Variants in GPR141 observed in about 807,000 individuals in gnomAD.
GPR141 encodes the protein probable G protein-coupled receptor 141.
Under a neutral mutation model 6.8 loss-of-function variants are expected in GPR141, and 6 were observed. That is an observed-to-expected ratio of 0.88 (90% CI 0.48 to 1.74). The LOEUF (loss-of-function observed/expected upper bound fraction) is 1.74, where lower values mean the gene tolerates loss of function less well. Among genes scored for constraint, GPR141 ranks in the 40% most tolerant of loss-of-function variants. The pLI, the probability that GPR141 is intolerant of heterozygous loss-of-function variation, is 0.01. For missense variants in GPR141, 372 were observed against 372.9 expected, an observed-to-expected ratio of 1.00 and a Z score of 0.02; for synonymous variants, 140 against 142.3, an observed-to-expected ratio of 0.98 and a Z score of 0.11.
chr7:37,735,353 G>A (rs976321417), intron 2 of GPR141, among the ~76,000 whole-genome samples: 2 of 152,174 alleles, frequency 1.3e-5, no homozygotes, highest in Non-Finnish European at 2.9e-5. Context: ...TGGGACTTGG[G>A]GGGATGGGAG....
rs1554344607 is a variant in GPR141 at position 37,724,284 on chromosome 7, A to AAT, written c.-14-16086_-14-16085dup. On this transcript the variant is annotated intron_variant, in intron 2 of 2. Coordinates refer to ENST00000334425, the MANE Select transcript of GPR141 (RefSeq NM_001381946.1). ...TAACTTTACTTGAAACTGCCTAAAAAATATATATATACATTTTTTTTTGCT... is the reference window on the plus strand; with the variant it reads ...TAACTTTACTTGAAACTGCCTAAAAAATATATATATATACATTTTTTTTTGCT... Among the ~76,000 whole-genome samples the AAT allele has an allele frequency of 5.3e-5, 8 of 152,198 alleles. No individual in the cohort carries two copies. In the South Asian group the frequency reaches 6.2e-4, roughly 12 times the overall value.
chr7:37,693,635 G>C (rs1393132226), intron 2 of GPR141, among the ~76,000 whole-genome samples: 3 of 152,094 alleles, frequency 2.0e-5, no homozygotes, highest in African/African-American at 7.2e-5. Context: ...TGTGAGAGCA[G>C]GTACAGTGGC....
intron 2 of GPR141, among the ~76,000 whole-genome samples, chr7:37,697,056 G>A (rs1810051328): frequency 6.6e-6 from 1 of 152,126 alleles, no homozygotes; most frequent in African/African-American, 2.4e-5. Context: ...ACTATAATTA[G>A]TTAGAAGGAC....
rs142585981 is a variant in GPR141, at chr7:37,741,152, G to A, written c.759G>A (p.Thr253=). The change falls in exon 3 of 3, where the codon ACG becomes ACA. Residue 253 remains threonine (T), a synonymous_variant. Transcript: ENST00000334425. The part of the protein sequence containing the change: ...FFRIYYLNVV[T]HSNACNSKVA... ...GGATCTATTACTTGAATGTTGTGACGCATTCCAATGCCTGTAACAGCAAGG... is the reference window on the plus strand; with the variant it reads ...GGATCTATTACTTGAATGTTGTGACACATTCCAATGCCTGTAACAGCAAGG... 6.2e-5 allele frequency: 100 copies of A among 1,613,752 alleles called. No individual in the cohort carries two copies. Among genetic ancestry groups the A allele is most frequent in the South Asian group, 2.2e-4 (20 of 91,084 alleles).
intron 2 of GPR141, among the ~76,000 whole-genome samples, chr7:37,708,139 A>G (rs1228683101): frequency 6.6e-6 from 1 of 152,116 alleles, no homozygotes; most frequent in Non-Finnish European, 1.5e-5. Context: ...GCAGCCTGAC[A>G]GATGTAATGA....
At chr7:37,690,083 T>C (rs1293796977) in intron 2 of GPR141, among the ~76,000 whole-genome samples, 2 of 152,184 alleles carry the variant, frequency 1.3e-5, no homozygotes, top group African/African-American at 4.8e-5. Context: ...AATTTTGGAA[T>C]TTTAGGTTTC....
At chr7:37,739,656 C>A (rs1812432249) in intron 2 of GPR141, among the ~76,000 whole-genome samples, 1 of 152,226 alleles carries the variant, frequency 6.6e-6, no homozygotes, top group Admixed American at 6.5e-5. Flanking sequence ...TGGAGCGGAT[C>A]TTTCAGGAGT....
chr7:37,728,544 T>G (rs1262879904), intron 2 of GPR141, among the ~76,000 whole-genome samples: 5 of 152,154 alleles, frequency 3.3e-5, no homozygotes, highest in Admixed American at 3.3e-4. Context: ...TGATGTTGGC[T>G]CTACCATAGG....
intron 2 of GPR141, among the ~76,000 whole-genome samples, chr7:37,695,340 C>T (rs1260517945): frequency 1.3e-5 from 2 of 152,214 alleles, no homozygotes; most frequent in Non-Finnish European, 2.9e-5. Context: ...GCCATGCAGG[C>T]CACTGGGGGT....
intron 2 of GPR141, among the ~76,000 whole-genome samples, chr7:37,690,844 C>A (rs1809727526): frequency 6.6e-6 from 1 of 151,904 alleles, no homozygotes; most frequent in Admixed American, 6.6e-5. Context: ...ATCCAAAGTG[C>A]AGCTTAAATC....
intron 2 of GPR141, among the ~76,000 whole-genome samples, chr7:37,722,657 G>T (rs1006526082): frequency 2.6e-5 from 4 of 151,470 alleles, no homozygotes; most frequent in Non-Finnish European, 5.9e-5. Flanking sequence ...AGGAGGTGGA[G>T]GTTGCAGTGA....
chr7:37,732,178 C>CT (rs1241088711), intron 2 of GPR141, among the ~76,000 whole-genome samples: 7 of 135,904 alleles, frequency 5.2e-5, no homozygotes, highest in Middle Eastern at 4.3e-3. Context: ...GAGTCTCACT[C>CT]TGTCACCCAG....
rs1250462063 is a variant in GPR141, at chr7:37,708,320, A to AAC, written c.-15+22738_-15+22739insCA. Among the ~76,000 whole-genome samples the AAC allele has an allele frequency of 9.9e-5, 15 of 151,126 alleles. 1 individual carries two copies. In the South Asian group the frequency reaches 1.9e-3, roughly 19 times the overall value. On this transcript the variant is annotated intron_variant, in intron 2 of 2. Coordinates refer to ENST00000334425, the MANE Select transcript of GPR141 (RefSeq NM_001381946.1). Reference sequence around the variant, plus strand: ...TTGACAAATTGCTGGCAAAAAAAAAAAAAAAAAAAAAAAAACGCAAAAGCT... The same window carrying AAC: ...TTGACAAATTGCTGGCAAAAAAAAAAACAAAAAAAAAAAAAAACGCAAAAGCT...
chr7:37,702,466 C>A (rs573286778), intron 2 of GPR141, among the ~76,000 whole-genome samples: 24 of 151,902 alleles, frequency 1.6e-4, no homozygotes, highest in African/African-American at 5.8e-4. Flanking sequence ...GATATACACT[C>A]TATTTTTACT....
At chr7:37,697,764 C>G (rs1253171951) in intron 2 of GPR141, among the ~76,000 whole-genome samples, 1 of 152,240 alleles carries the variant, frequency 6.6e-6, no homozygotes, top group Non-Finnish European at 1.5e-5. Flanking sequence ...CAGCACCAGT[C>G]TCTCCACAAA....
At chr7:37,717,231 A>G (rs2131804887) in intron 2 of GPR141, among the ~76,000 whole-genome samples, 1 of 152,352 alleles carries the variant, frequency 6.6e-6, no homozygotes, top group South Asian at 2.1e-4. Flanking sequence ...GGCTTGCGAG[A>G]AGAAGAATGA....
At chr7:37,717,396 C>T (rs1811098613) in intron 2 of GPR141, among the ~76,000 whole-genome samples, 1 of 152,156 alleles carries the variant, frequency 6.6e-6, no homozygotes. Flanking sequence ...GAGGACATTT[C>T]TGAAAAAGGA....
chr7:37,710,720 C>T (rs142619390), intron 2 of GPR141, among the ~76,000 whole-genome samples: 31 of 152,226 alleles, frequency 2.0e-4, no homozygotes, highest in South Asian at 4.1e-4. Flanking sequence ...GTGCCAGGGA[C>T]GCTTATTGCA....
chr7:37,699,565 A>C (rs1810184650), intron 2 of GPR141, among the ~76,000 whole-genome samples: 1 of 152,194 alleles, frequency 6.6e-6, no homozygotes, highest in African/African-American at 2.4e-5. Context: ...CGACTCAAAA[A>C]ACAAAACAAA....
Sources: allele counts gnomAD v4.1 joint callset (sites outside exome capture counted in the v4.1 genomes callset), GRCh38; gene constraint gnomAD v4.1.1; transcripts MANE v1.5; gene names NCBI Gene and HGNC (gene_info 2026-07-23, HGNC 2026-07-21).